The following GABRB1 variants were observed in gnomAD, a reference collection of about 807,000 sequenced individuals.
The protein encoded by GABRB1 is gamma-aminobutyric acid type A receptor subunit beta1.
In GABRB1, 17 loss-of-function variants were observed where a neutral mutation model predicts 51.6. The ratio of observed to expected loss-of-function variants is 0.33; its 90% confidence interval spans 0.23 to 0.49. GABRB1 has a LOEUF of 0.49. Ranked by LOEUF, GABRB1 falls within the 20% of genes least tolerant of loss-of-function variation. GABRB1 has a pLI of 0.99. For missense variants in GABRB1, 410 were observed against 600.6 expected (o/e 0.68, Z 3.32); for synonymous variants, 247 against 218.9 (o/e 1.13, Z -1.14).
chr4:47,161,180 A>G (rs912901049), intron 3 of GABRB1, 69 bp from the exon 4 acceptor site: 14 of 1,037,290 alleles, frequency 1.3e-5, no homozygotes, highest in Admixed American at 2.2e-5. Flanking sequence ...GACATCCTAC[A>G]TGTTATTAAA....
In GABRB1 at chr4:47,320,120, C is replaced by T; in HGVS notation, c.462-7C>T. 4.5e-6 allele frequency: 7 copies of T among 1,564,436 alleles called. No individual in the cohort carries two copies. The highest frequency in any genetic ancestry group is 6.2e-6 in the Non-Finnish European group (7 of 1,134,546). On this transcript the variant is annotated splice_region_variant and splice_polypyrimidine_tract_variant and intron_variant, in intron 4 of 8. Transcript: ENST00000295454. ...ATGTTTTCTTTTTTCTCTCTCCTCT[C>T]TATCAGAATCACAACCACAGCTGCA...
chr4:47,335,555 C>A (rs1460836941), intron 5 of GABRB1, among the ~76,000 whole-genome samples: 1 of 151,994 alleles, frequency 6.6e-6, no homozygotes, highest in East Asian at 1.9e-4. Flanking sequence ...GCTTCTTGAC[C>A]AGTATGTACA....
intron 4 of GABRB1, among the ~76,000 whole-genome samples, chr4:47,173,141 T>C (rs530478364): frequency 3.9e-5 from 6 of 152,308 alleles, no homozygotes; most frequent in African/African-American, 1.4e-4. Context: ...CCTTTTTAAA[T>C]AAAGTTGTAT....
chr4:47,237,669 A>G (rs1578023406), intron 4 of GABRB1, among the ~76,000 whole-genome samples: 1 of 152,032 alleles, frequency 6.6e-6, no homozygotes, highest in Admixed American at 6.6e-5. Context: ...CCTCCAATAT[A>G]TTAGTATATG....
At chr4:47,001,438 G>C (rs560910044) in intron 1 of GABRB1, among the ~76,000 whole-genome samples, 2 of 152,274 alleles carry the variant, frequency 1.3e-5, no homozygotes, top group East Asian at 3.9e-4. Flanking sequence ...CACCATGCCC[G>C]GCCAGATATT....
intron 5 of GABRB1, 150 bp downstream of exon 5, chr4:47,320,359 AT>A: frequency 1.5e-6 from 1 of 652,792 alleles, no homozygotes; most frequent in Non-Finnish European, 2.7e-6. Context: ...CTCAAGGGTC[AT>A]TTCAATGAAG....
intron 4 of GABRB1, among the ~76,000 whole-genome samples, chr4:47,227,566 A>G (rs1054566304): frequency 6.6e-6 from 1 of 152,162 alleles, no homozygotes; most frequent in African/African-American, 2.4e-5. Flanking sequence ...TACATAGAGC[A>G]CTAGAGCTGA....
intron 4 of GABRB1, among the ~76,000 whole-genome samples, chr4:47,221,262 C>T (rs1720757431): frequency 6.6e-6 from 1 of 152,048 alleles, no homozygotes. Flanking sequence ...CATCTCTCCT[C>T]TAGCACAAAT....
At chr4:47,166,571 C>T (rs1311699689) in intron 4 of GABRB1, among the ~76,000 whole-genome samples, 1 of 151,892 alleles carries the variant, frequency 6.6e-6, no homozygotes, top group Non-Finnish European at 1.5e-5. Context: ...TTGCTGTTTA[C>T]ATTATTAGTA....
At chr4:47,254,309 T>A (rs536506770) in intron 4 of GABRB1, among the ~76,000 whole-genome samples, 1 of 151,004 alleles carries the variant, frequency 6.6e-6, no homozygotes, top group African/African-American at 2.4e-5. Context: ...TCTTAGAACA[T>A]GGTATTTTTC....
At chr4:47,376,601 C>A (rs895805197) in intron 5 of GABRB1, among the ~76,000 whole-genome samples, 7 of 152,086 alleles carry the variant, frequency 4.6e-5, no homozygotes, top group African/African-American at 1.7e-4. Flanking sequence ...GAGCCGAGAC[C>A]GCACCACTGC....
chr4:47,148,452 C>A (rs1277746500), intron 3 of GABRB1, among the ~76,000 whole-genome samples: 1 of 152,056 alleles, frequency 6.6e-6, no homozygotes, highest in East Asian at 1.9e-4. Context: ...AGACATTTAG[C>A]CTCTAAGCAC....
chr4:47,401,640 T>C (rs1298504014), intron 5 of GABRB1, among the ~76,000 whole-genome samples: 1 of 152,164 alleles, frequency 6.6e-6, no homozygotes, highest in Non-Finnish European at 1.5e-5. Context: ...CCTGCTGGGC[T>C]TAGGAGAGGT....
intron 5 of GABRB1, among the ~76,000 whole-genome samples, chr4:47,368,643 T>G (rs1203247157): frequency 2.0e-5 from 3 of 152,166 alleles, no homozygotes; most frequent in African/African-American, 7.2e-5. Flanking sequence ...TGGATTCTGA[T>G]AGCCAGTGTT....
At chr4:47,169,589 C>A (rs1005745895) in intron 4 of GABRB1, among the ~76,000 whole-genome samples, 4 of 151,966 alleles carry the variant, frequency 2.6e-5, no homozygotes, top group African/African-American at 9.7e-5. Context: ...GAAACCTCTG[C>A]CTCCCAGGTT....
chr4:47,331,502 T>C (rs1725477693), intron 5 of GABRB1, among the ~76,000 whole-genome samples: 1 of 151,872 alleles, frequency 6.6e-6, no homozygotes, highest in Non-Finnish European at 1.5e-5. Context: ...GATGAGAATA[T>C]CTCAGATTTA....
intron 1 of GABRB1, among the ~76,000 whole-genome samples, chr4:47,012,290 C>T (rs191087026): frequency 1.0e-3 from 156 of 152,244 alleles, no homozygotes; most frequent in African/African-American, 3.2e-3. Flanking sequence ...ATTATTTCAT[C>T]ACCCAGGTAT....
chr4:47,241,407 A>G (rs1212561571), intron 4 of GABRB1, among the ~76,000 whole-genome samples: 2 of 152,136 alleles, frequency 1.3e-5, no homozygotes, highest in Non-Finnish European at 2.9e-5. Flanking sequence ...CCCTTGTCAT[A>G]TGACTGAGGA....
chr4:47,365,558 T>C (rs36074928), intron 5 of GABRB1, among the ~76,000 whole-genome samples: 14,193 of 152,146 alleles, frequency 0.093, 811 homozygotes, highest in Non-Finnish European at 0.13. Context: ...ACCCCTTCTC[T>C]TGCCTCCCTT....
Sources: gnomAD v4.1 joint callset for allele counts (sites outside exome capture counted in the v4.1 genomes callset) on GRCh38, gnomAD v4.1.1 for gene constraint, MANE v1.5 for transcripts, NCBI Gene and HGNC (gene_info 2026-07-23, HGNC 2026-07-21) for gene names.